Variants in KRCC1 observed in about 807,000 individuals in gnomAD.
KRCC1 encodes lysine rich coiled-coil 1.
KRCC1 carries 3 observed loss-of-function variants against 7.4 expected under a neutral mutation model. The observed-to-expected ratio is 0.40, with a 90% CI of 0.18 to 1.04. The LOEUF (loss-of-function observed/expected upper bound fraction) is 1.04, where lower values mean the gene tolerates loss of function less well. Ranked by LOEUF, KRCC1 falls within the 50% of genes least tolerant of loss-of-function variation. The pLI is 0.33. For synonymous variants in KRCC1, 102 were observed against 101.6 expected (o/e 1.00, Z -0.02); for missense variants, 277 against 300.9 (o/e 0.92, Z 0.59).
chr2:88,052,920 A>G (rs1392509015), intron 1 of KRCC1, among the ~76,000 whole-genome samples: 1 of 152,224 alleles, frequency 6.6e-6, no homozygotes, highest in Non-Finnish European at 1.5e-5. Context: ...AAGTAAAAAA[A>G]GTACTTTTCC....
chr2:88,039,475 C>G (rs1673160484), intron 1 of KRCC1, among the ~76,000 whole-genome samples: 1 of 151,920 alleles, frequency 6.6e-6, no homozygotes, highest in South Asian at 2.1e-4. Context: ...TTACTTGAGC[C>G]CAGGAGTTTG....
At chr2:88,030,036 T>C (rs963026241) in intron 3 of KRCC1, among the ~76,000 whole-genome samples, 5 of 150,522 alleles carry the variant, frequency 3.3e-5, no homozygotes, top group African/African-American at 1.2e-4. Flanking sequence ...TTAGTAGAGA[T>C]GCGGTTTCAC....
intron 1 of KRCC1, among the ~76,000 whole-genome samples, chr2:88,038,871 C>T (rs1673147069): frequency 6.6e-6 from 1 of 152,162 alleles, no homozygotes. Flanking sequence ...CTGGTCTCTC[C>T]TTGACATGTG....
At chr2:88,048,058 G>C (rs1175697649) in intron 1 of KRCC1, among the ~76,000 whole-genome samples, 1 of 149,898 alleles carries the variant, frequency 6.7e-6, no homozygotes, top group African/African-American at 2.5e-5. Context: ...CTTTTTTTCT[G>C]TCAGCAATGT....
chr2:88,034,815 A>G (rs1272396168), intron 2 of KRCC1, among the ~76,000 whole-genome samples: 1 of 151,806 alleles, frequency 6.6e-6, no homozygotes, highest in African/African-American at 2.4e-5. Context: ...CCACTCCCCA[A>G]CCCTACCACC....
At chr2:88,052,939 T>C (rs1192690087) in intron 1 of KRCC1, among the ~76,000 whole-genome samples, 1 of 152,236 alleles carries the variant, frequency 6.6e-6, no homozygotes, top group Non-Finnish European at 1.5e-5. Flanking sequence ...CCCACATTTA[T>C]TATTTTCAAC....
intron 3 of KRCC1, among the ~76,000 whole-genome samples, chr2:88,030,654 G>C (rs1205519479): frequency 2.0e-5 from 3 of 152,168 alleles, no homozygotes; most frequent in African/African-American, 4.8e-5. Context: ...GACAATACCA[G>C]TGCTGATAAG....
intron 1 of KRCC1, among the ~76,000 whole-genome samples, chr2:88,048,227 C>T (rs936293771): frequency 6.6e-6 from 1 of 151,868 alleles, no homozygotes; most frequent in East Asian, 1.9e-4. Context: ...GGATTACAGG[C>T]GTGCGCTACC....
chr2:88,041,609 G>C (rs1310113536), intron 1 of KRCC1, among the ~76,000 whole-genome samples: 1 of 152,162 alleles, frequency 6.6e-6, no homozygotes, highest in Non-Finnish European at 1.5e-5. Context: ...TCAAACTTCA[G>C]TACACATGAT....
chr2:88,040,604 CAT>C (rs1200342478), intron 1 of KRCC1, among the ~76,000 whole-genome samples: 5 of 152,214 alleles, frequency 3.3e-5, no homozygotes, highest in Admixed American at 1.3e-4. Flanking sequence ...TATGTTGCCA[CAT>C]GTGCTATTTG....
chr2:88,027,856 T>C lies in KRCC1; in HGVS notation c.708A>G (p.Lys236=). ...TTTCTTGGCCTTGTTCCTTTTTCTT[T>C]TTTGTACGCTTACGTTCCTCTTTCT... ...VSKKEERKRT[K]KKKEQGQERT... The change falls in exon 4 of 4, where the codon AAA becomes AAG. Residue 236 remains lysine (K), a synonymous_variant. Transcript: ENST00000347055. The C allele has an allele frequency of 3.7e-6, 6 of 1,611,366 alleles. No homozygotes were observed. Among genetic ancestry groups the C allele is most frequent in the Non-Finnish European group, 5.1e-6 (6 of 1,179,530 alleles).
At chr2:88,032,582 G>T (rs1356888306) in intron 3 of KRCC1, among the ~76,000 whole-genome samples, 1 of 152,148 alleles carries the variant, frequency 6.6e-6, no homozygotes, top group Non-Finnish European at 1.5e-5. Flanking sequence ...ACACATGACT[G>T]GGTGTCTATA....
At chr2:88,052,318 T>A (rs1188203832) in intron 1 of KRCC1, among the ~76,000 whole-genome samples, 1 of 152,284 alleles carries the variant, frequency 6.6e-6, no homozygotes, top group East Asian at 1.9e-4. Context: ...AGTTCTAATT[T>A]GTCTTATGCA....
rs1672886565 is a variant in KRCC1, at chr2:88,027,334, A to G, written c.*450T>C. The G allele has an allele frequency of 6.5e-6, 1 of 154,442 alleles. No individual in the cohort carries two copies. The highest frequency in any genetic ancestry group is 6.5e-5 in the Admixed American group (1 of 15,386). 9.6% of individuals were successfully genotyped at this position (154,442 alleles called of 1,614,324 possible). On this transcript the variant is annotated 3_prime_UTR_variant, in exon 4 of 4. Transcript: ENST00000347055. ...TATTTCATTTTCCACTTTCCAGCCT[A>G]GAAAATACACTGCAAGTTAGATCTA...
chr2:88,051,163 C>T (rs1387243479), intron 1 of KRCC1, among the ~76,000 whole-genome samples: 2 of 151,962 alleles, frequency 1.3e-5, no homozygotes, highest in East Asian at 3.9e-4. Flanking sequence ...TGGGCTCAAG[C>T]AATCCTCTGG....
intron 1 of KRCC1, among the ~76,000 whole-genome samples, chr2:88,043,514 G>A (rs1673259417): frequency 6.6e-6 from 1 of 152,150 alleles, no homozygotes; most frequent in African/African-American, 2.4e-5. Flanking sequence ...AAAGAAACTA[G>A]GCATGGCATG....
intron 1 of KRCC1, among the ~76,000 whole-genome samples, chr2:88,051,967 T>C (rs1016863998): frequency 1.3e-5 from 2 of 152,252 alleles, no homozygotes; most frequent in Admixed American, 1.3e-4. Context: ...TTGTGTATTT[T>C]AGGATATTTG....
At chr2:88,050,758 C>A (rs187745486) in intron 1 of KRCC1, among the ~76,000 whole-genome samples, 15 of 152,188 alleles carry the variant, frequency 9.9e-5, no homozygotes, top group Non-Finnish European at 1.9e-4. Flanking sequence ...AGAAACTTCA[C>A]CAAATAAATT....
At position 88,028,589 on chromosome 2, in the gene KRCC1, C is replaced by A; in HGVS notation, c.-22-4G>T. On this transcript the variant is annotated splice_region_variant and splice_polypyrimidine_tract_variant and intron_variant, in intron 3 of 3. Transcript: ENST00000347055. Reference sequence around the variant, plus strand: ...TAGGTTGACAAAACGGGATTTTCTGCAAAAAAGGGAGAAAATTCTTACCAG... The same window carrying A: ...TAGGTTGACAAAACGGGATTTTCTGAAAAAAAGGGAGAAAATTCTTACCAG... 1 of 1,536,116 alleles carries A rather than the reference C, an allele frequency of 6.5e-7. No homozygotes were observed. The highest frequency in any genetic ancestry group is 1.9e-5 in the Admixed American group (1 of 51,328).
Sources: gnomAD v4.1 joint callset for allele counts (sites outside exome capture counted in the v4.1 genomes callset) on GRCh38, gnomAD v4.1.1 for gene constraint, MANE v1.5 for transcripts, NCBI Gene and HGNC (gene_info 2026-07-23, HGNC 2026-07-21) for gene names.